The following MED13L variants were observed in gnomAD, a reference collection of about 807,000 sequenced individuals.
MED13L encodes the protein mediator complex subunit 13L.
In MED13L, 7 loss-of-function variants were observed where a neutral mutation model predicts 220.9. That is an observed-to-expected ratio of 0.03 (90% CI 0.02 to 0.06). MED13L has a LOEUF of 0.06. Ranked by LOEUF, MED13L falls within the 10% of genes least tolerant of loss-of-function variation. The pLI is 1.00. For synonymous variants in MED13L, 1,011 were observed against 1,015.2 expected (o/e 1.00, Z 0.08); for missense variants, 1,965 against 2,760.5 (o/e 0.71, Z 6.46).
chr12:116,204,078 A>G (rs1050857564), intron 2 of MED13L, among the ~76,000 whole-genome samples: 1 of 152,216 alleles, frequency 6.6e-6, no homozygotes, highest in Non-Finnish European at 1.5e-5. Flanking sequence ...TGGGCATACC[A>G]CAATAGCTAC....
chr12:116,215,724 A>G (rs1042266985), intron 2 of MED13L, among the ~76,000 whole-genome samples: 2 of 152,186 alleles, frequency 1.3e-5, no homozygotes, highest in African/African-American at 4.8e-5. Flanking sequence ...CAAAAGTGCA[A>G]TATTTAAGGA....
chr12:116,117,271 A>G (rs1340453048), intron 2 of MED13L, among the ~76,000 whole-genome samples: 2 of 152,142 alleles, frequency 1.3e-5, no homozygotes, highest in East Asian at 3.9e-4. Context: ...AATGGTTTCC[A>G]GGGATGGAGG....
rs188158442 is a variant in MED13L, at chr12:116,101,353, C to A, written c.396-4601G>T. ...ACTATGTAACATGCTTAAATGTATG[C>A]TCTATATTGGGAGGTGCTCAATAAA... is the stretch of plus-strand genomic sequence containing the variant. On this transcript the variant is annotated intron_variant, in intron 3 of 30. Coordinates refer to ENST00000281928, the MANE Select transcript of MED13L (RefSeq NM_015335.5). Among the ~76,000 whole-genome samples the A allele has an allele frequency of 5.3e-5, 8 of 152,250 alleles. No homozygotes were observed. In the East Asian group the frequency reaches 1.4e-3, roughly 26 times the overall value.
Position 116,013,006 on chromosome 12 carries a change from C to T in MED13L, c.1176-105G>A. ...CATTTCATTCACATAGTAATGGTAT[C>T]CTGCTGACATGTAGTTCAGAGCAAC... On this transcript the variant is annotated intron_variant, in intron 8 of 30. Coordinates refer to ENST00000281928, the MANE Select transcript of MED13L (RefSeq NM_015335.5). 3 of 805,816 alleles carry T rather than the reference C, an allele frequency of 3.7e-6. 1 individual carries two copies. Among genetic ancestry groups the T allele is most frequent in the South Asian group, 2.8e-5 (2 of 70,326 alleles). The allele number at this position is 805,816 out of a possible 1,614,324, so 49.9% of individuals were successfully genotyped here. A position where few individuals can be genotyped will look rare whatever the true frequency, so the allele number is the denominator to read the frequency against.
chr12:116,166,860 A>T (rs1053327199), intron 2 of MED13L, among the ~76,000 whole-genome samples: 1 of 152,234 alleles, frequency 6.6e-6, no homozygotes, highest in African/African-American at 2.4e-5. Flanking sequence ...GAAGGATTTT[A>T]AAAATAAATA....
chr12:116,010,073 T>C (rs1215502520), intron 9 of MED13L, among the ~76,000 whole-genome samples: 1 of 152,148 alleles, frequency 6.6e-6, no homozygotes, highest in Non-Finnish European at 1.5e-5. Context: ...TAAAACGGAT[T>C]TGTGGGGCAT....
chr12:115,993,305 G>T (rs1431322366), intron 16 of MED13L, among the ~76,000 whole-genome samples: 1 of 151,936 alleles, frequency 6.6e-6, no homozygotes, highest in Non-Finnish European at 1.5e-5. Flanking sequence ...GGTATCAAAA[G>T]AATATTTTTA....
At position 115,961,266 on chromosome 12, in the gene MED13L, T is replaced by C; in HGVS notation, c.6633A>G (p.Ter2211=). The C allele has an allele frequency of 6.2e-7, 1 of 1,614,130 alleles. No homozygotes were observed. Among genetic ancestry groups the C allele is most frequent in the Non-Finnish European group, 8.5e-7 (1 of 1,179,988 alleles). Residue 2211 remains the stop codon, a stop_retained_variant, in exon 31 of 31, where the codon TAA becomes TAG. Coordinates refer to ENST00000281928, the MANE Select transcript of MED13L (RefSeq NM_015335.5). ...QLYNAIMNIL[*] The stretch of plus-strand genomic sequence containing the variant: ...CCAGAGAGAACAAGTGCTTTTCCAA[T>C]TAAAGTATATTCATGATGGCATTGT...
At chr12:116,081,951 T>C (rs1020782015) in intron 4 of MED13L, among the ~76,000 whole-genome samples, 1 of 152,218 alleles carries the variant, frequency 6.6e-6, no homozygotes, top group Non-Finnish European at 1.5e-5. Flanking sequence ...GATCTATGAA[T>C]ACATTTTTTT....
At position 115,983,212 on chromosome 12, in the gene MED13L, G is replaced by A. The variant is rs767838032; in HGVS notation, c.4860C>T (p.Gly1620=). 6.2e-7 allele frequency: 1 copy of A among 1,614,104 alleles called. No homozygotes were observed. Among genetic ancestry groups the A allele is most frequent in the South Asian group, 1.1e-5 (1 of 91,080 alleles). ...TCCCTTGCGTTCTATCCGCAGAAAT[G>A]CCCCCAGTGCTGGGGTTCTGCCCTC... ...SVGGQNPSTG[G]ISADRTQGNI... is the part of the protein sequence containing the mutation. The change falls in exon 21 of 31, where the codon GGC becomes GGT. Residue 1620 remains glycine, a synonymous_variant. Transcript: ENST00000281928.
chr12:116,015,124 T>C lies in MED13L; in HGVS notation c.1160A>G (p.Asn387Ser). 2.5e-6 allele frequency: 4 copies of C among 1,613,734 alleles called. No individual in the cohort carries two copies. Among genetic ancestry groups the C allele is most frequent in the Non-Finnish European group, 3.4e-6 (4 of 1,179,712 alleles). ...GAAAACTTACTTGGACTGGGTTCTG[T>C]TGAGGATGCATTCCTTCCAGACTCG... is the stretch of plus-strand genomic sequence containing the variant. The part of the protein sequence containing the change: ...VHRVWKECIL[N>S]RTQSKRSQMS... The change falls in exon 8 of 31, where the codon AAC (asparagine) becomes AGC (serine). Residue 387 changes from asparagine to serine, a missense_variant. Coordinates refer to ENST00000281928, the MANE Select transcript of MED13L (RefSeq NM_015335.5).
intron 29 of MED13L, among the ~76,000 whole-genome samples, chr12:115,964,827 A>G (rs1307561180): frequency 1.3e-5 from 2 of 152,204 alleles, no homozygotes; most frequent in African/African-American, 2.4e-5. Flanking sequence ...GGAATCAGTC[A>G]TCTCTTCAAA....
chr12:116,055,897 A>G (rs1289346074), intron 4 of MED13L, among the ~76,000 whole-genome samples: 1 of 150,730 alleles, frequency 6.6e-6, no homozygotes, highest in East Asian at 1.9e-4. Context: ...CCCGTCTCCA[A>G]AAAAAAAAAC....
rs141916958 is a variant in MED13L, at chr12:115,972,565, C to T, written c.5732-329G>A. 5.5e-4 allele frequency: 195 copies of T among 353,710 alleles called. 2 individuals are homozygous for T. In the East Asian group the frequency reaches 0.013, roughly 23 times the overall value. 21.9% of individuals were successfully genotyped at this position (353,710 alleles called of 1,614,324 possible). A position where few individuals can be genotyped will look rare whatever the true frequency, so the allele number is the denominator to read the frequency against. ...TCCATGATGACAGCAGTGTTAGCTG[C>T]CCTATCCTTTCTCCTCCTTCTCAAG... is the stretch of plus-strand genomic sequence containing the variant. On this transcript the variant is annotated intron_variant, in intron 25 of 30. Coordinates refer to ENST00000281928, the MANE Select transcript of MED13L (RefSeq NM_015335.5).
chr12:116,266,551 G>A (rs895895353), intron 1 of MED13L, among the ~76,000 whole-genome samples: 2 of 152,174 alleles, frequency 1.3e-5, no homozygotes, highest in Admixed American at 6.5e-5. Context: ...CAGAGAAAAG[G>A]TGCTCCTGAC....
intron 1 of MED13L, among the ~76,000 whole-genome samples, chr12:116,260,373 C>A (rs1178669782): frequency 6.6e-6 from 1 of 152,152 alleles, no homozygotes; most frequent in African/African-American, 2.4e-5. Flanking sequence ...TAGCGCTTAA[C>A]TGAGCACTGG....
intron 2 of MED13L, among the ~76,000 whole-genome samples, chr12:116,211,804 T>C (rs1303543413): frequency 6.6e-6 from 1 of 152,228 alleles, no homozygotes; most frequent in Non-Finnish European, 1.5e-5. Context: ...AGTATACTGC[T>C]GCCTGTATCA....
intron 4 of MED13L, among the ~76,000 whole-genome samples, chr12:116,076,631 A>G (rs1339708016): frequency 6.6e-6 from 1 of 152,250 alleles, no homozygotes; most frequent in Non-Finnish European, 1.5e-5. Context: ...GCAAGGGGTC[A>G]AGAGCAATTG....
chr12:115,987,558 A>C (rs1166021879), intron 17 of MED13L, among the ~76,000 whole-genome samples: 2 of 152,216 alleles, frequency 1.3e-5, no homozygotes, highest in East Asian at 3.9e-4. Flanking sequence ...AAGTGGAAAA[A>C]TGGATAGGTG....
Sources: gnomAD v4.1 joint callset for allele counts (sites outside exome capture counted in the v4.1 genomes callset) on GRCh38, gnomAD v4.1.1 for gene constraint, MANE v1.5 for transcripts, NCBI Gene and HGNC (gene_info 2026-07-23, HGNC 2026-07-21) for gene names.